Variants in CCDC169 observed in about 807,000 individuals in gnomAD.
CCDC169 encodes coiled-coil domain-containing protein 169.
In CCDC169, 30 loss-of-function variants were observed where a neutral mutation model predicts 36.0. That is an observed-to-expected ratio of 0.83 (90% CI 0.62 to 1.13). The LOEUF is 1.13. Ranked by LOEUF, CCDC169 falls within the 50% of genes most tolerant of loss-of-function variation. CCDC169 has a pLI of 0.00. For missense variants in CCDC169, 245 were observed against 245.9 expected (o/e 1.00, Z 0.03); for synonymous variants, 85 against 81.5 (o/e 1.04, Z -0.23).
intron 4 of CCDC169, among the ~76,000 whole-genome samples, chr13:36,268,162 G>A (rs1047112575): frequency 2.0e-5 from 3 of 152,134 alleles, no homozygotes; most frequent in African/African-American, 7.2e-5. Flanking sequence ...AACAACTGCA[G>A]AGTATACATT....
At chr13:36,225,109 C>G (rs750516337), downstream of CCDC169, 4 of 152,256 alleles carry the variant, frequency 2.6e-5, no homozygotes, top group East Asian at 1.9e-4. Flanking sequence ...TGAAACTGGA[C>G]CCCTACCTTT....
In CCDC169 at chr13:36,297,787, C is replaced by G. The variant is rs1196878177; in HGVS notation, c.-68G>C. On this transcript the variant is annotated 5_prime_UTR_variant, in exon 1 of 8. Coordinates refer to ENST00000239859, the MANE Select transcript of CCDC169 (RefSeq NM_001144981.3). The stretch of plus-strand genomic sequence containing the variant: ...TTAGAGCACAAGACATTAAGGGCCA[C>G]CCAGAAGCCAGTACGGCACGAGGCG... The G allele has an allele frequency of 1.5e-5, 21 of 1,434,440 alleles. No individual in the cohort carries two copies. Among genetic ancestry groups the G allele is most frequent in the Non-Finnish European group, 1.9e-6 (2 of 1,047,242 alleles). 88.9% of individuals were successfully genotyped at this position (1,434,440 alleles called of 1,614,324 possible).
At chr13:36,226,842 A>T, downstream of CCDC169, 1 of 313,962 alleles carries the variant, frequency 3.2e-6, no homozygotes, top group Non-Finnish European at 5.8e-6. Context: ...ACTTTCGGCT[A>T]CTATGCTCAG....
At chr13:36,227,176 G>A (rs1869922024), downstream of CCDC169, 1 of 1,395,480 alleles carries the variant, frequency 7.2e-7, no homozygotes. Context: ...CCTGGGGGTG[G>A]TGCACATGTC....
At chr13:36,249,057 TAGAA>T (rs1359385277) in intron 6 of CCDC169, among the ~76,000 whole-genome samples, 1 of 152,156 alleles carries the variant, frequency 6.6e-6, no homozygotes, top group Non-Finnish European at 1.5e-5. Flanking sequence ...GAGGCAGAAA[TAGAA>T]AGACAAGATA....
rs1273109976 is a variant in CCDC169 at position 36,254,152 on chromosome 13, A to G, written c.316-9T>C. 6.7e-7 allele frequency: 1 copy of G among 1,488,214 alleles called. No individual in the cohort carries two copies. The highest frequency in any genetic ancestry group is 2.5e-5 in the East Asian group (1 of 40,378). The allele number at this position is 1,488,214 out of a possible 1,614,324, so 92.2% of individuals were successfully genotyped here. A position where few individuals can be genotyped will look rare whatever the true frequency, so the allele number is the denominator to read the frequency against. ...AATGTGTTTAAGGATTCCTAAAAAT[A>G]TAAATAGTAAAATTTTATATGTACT... On this transcript the variant is annotated splice_polypyrimidine_tract_variant and intron_variant, in intron 4 of 7. Coordinates refer to ENST00000239859, the MANE Select transcript of CCDC169 (RefSeq NM_001144981.3).
intron 2 of CCDC169, among the ~76,000 whole-genome samples, chr13:36,286,867 C>A (rs1878317039): frequency 6.6e-6 from 1 of 151,996 alleles, no homozygotes; most frequent in Non-Finnish European, 1.5e-5. Context: ...GGCTCATAAA[C>A]CTCCCTTCCT....
chr13:36,287,703 A>G (rs998192331), intron 2 of CCDC169, among the ~76,000 whole-genome samples: 16 of 152,212 alleles, frequency 1.1e-4, no homozygotes, highest in Admixed American at 1.0e-3. Flanking sequence ...ATTATTGATA[A>G]AAATAGAAAG....
chr13:36,264,134 C>G (rs927752240), intron 4 of CCDC169, among the ~76,000 whole-genome samples: 9 of 151,952 alleles, frequency 5.9e-5, no homozygotes, highest in African/African-American at 1.7e-4. Context: ...TAAAGATAAC[C>G]TGAATTAGAT....
chr13:36,258,984 A>C (rs1874272383), intron 4 of CCDC169, among the ~76,000 whole-genome samples: 1 of 152,184 alleles, frequency 6.6e-6, no homozygotes, highest in African/African-American at 2.4e-5. Flanking sequence ...AAGAGCCTGA[A>C]GCTGCCGGGA....
chr13:36,276,230 A>G (rs933222837), intron 4 of CCDC169, among the ~76,000 whole-genome samples: 12 of 152,352 alleles, frequency 7.9e-5, no homozygotes, highest in Admixed American at 7.8e-4. Flanking sequence ...AATCATTCAT[A>G]TATGTGAACT....
intron 2 of CCDC169, among the ~76,000 whole-genome samples, chr13:36,290,990 A>G (rs982552691): frequency 3.9e-5 from 6 of 152,054 alleles, no homozygotes; most frequent in African/African-American, 1.4e-4. Flanking sequence ...AAACTAAAAA[A>G]AAAAAAAATC....
intron 4 of CCDC169, among the ~76,000 whole-genome samples, chr13:36,266,721 G>C (rs902494293): frequency 1.3e-5 from 2 of 152,128 alleles, no homozygotes; most frequent in African/African-American, 4.8e-5. Context: ...AGCAGCAAAT[G>C]CTTGCATCAT....
intron 4 of CCDC169, among the ~76,000 whole-genome samples, chr13:36,256,040 T>G (rs1045765914): frequency 6.6e-6 from 1 of 152,218 alleles, no homozygotes; most frequent in Non-Finnish European, 1.5e-5. Flanking sequence ...CAGCCTTTCC[T>G]TCTCCTTCTT....
Position 36,260,185 on chromosome 13 carries a change from G to C in CCDC169, c.316-6042C>G, listed in dbSNP as rs376811099. 2.1e-4 allele frequency among the ~76,000 whole-genome samples: 32 copies of C among 152,354 alleles called. 2 individuals are homozygous for C. In the East Asian group the frequency reaches 4.0e-3, roughly 19 times the overall value. ...CAAAGACACGCAGCTAATAATGGTA[G>C]AGCTGGAACGTGAACCCAGGTAAAA... On this transcript the variant is annotated intron_variant, in intron 4 of 7. Transcript: ENST00000239859.
chr13:36,229,900 C>T (rs1406069741), downstream of CCDC169, among the ~76,000 whole-genome samples: 1 of 151,976 alleles, frequency 6.6e-6, no homozygotes, highest in Admixed American at 6.6e-5. Flanking sequence ...TGGTATAAGA[C>T]ATAAAAATCT....
In CCDC169 at chr13:36,297,694, AAGTTGT is replaced by A. The variant is rs372374731; in HGVS notation, c.20_25del (p.Tyr7_Asn8del). On this transcript the variant is annotated inframe_deletion, in exon 1 of 8. Coordinates refer to ENST00000239859, the MANE Select transcript of CCDC169 (RefSeq NM_001144981.3). ...CAGGCGGTTGGTGCTCACACCGTCG[AAGTTGT>A]AGTTTCTCTCTTCCTTCATAGTGTC... 4.5e-6 allele frequency: 7 copies of A among 1,551,324 alleles called. No individual in the cohort carries two copies. In the African/African-American group the frequency reaches 5.5e-5, roughly 12 times the overall value.
chr13:36,222,557 AT>A (rs1869668716), downstream of CCDC169: 1 of 152,144 alleles, frequency 6.6e-6, no homozygotes, highest in African/African-American at 2.4e-5. Flanking sequence ...TTTTCTAGTG[AT>A]CCCACAATAG....
chr13:36,258,675 C>G (rs533828287), intron 4 of CCDC169, among the ~76,000 whole-genome samples: 1 of 152,120 alleles, frequency 6.6e-6, no homozygotes, highest in South Asian at 2.1e-4. Flanking sequence ...ACCCCTTTCA[C>G]GGAAAACTCA....
Sources: gnomAD v4.1 joint callset for allele counts (sites outside exome capture counted in the v4.1 genomes callset) on GRCh38, gnomAD v4.1.1 for gene constraint, MANE v1.5 for transcripts, NCBI Gene and HGNC (gene_info 2026-07-23, HGNC 2026-07-21) for gene names.